The following COL19A1 variants were observed in gnomAD, a reference collection of about 807,000 sequenced individuals.
The protein encoded by COL19A1 is collagen type XIX alpha 1 chain, also known as collagen alpha-1(XIX) chain.
In COL19A1, 159 loss-of-function variants were observed where a neutral mutation model predicts 190.2. That is an observed-to-expected ratio of 0.84 (90% confidence interval 0.73 to 0.95). The LOEUF is 0.95. COL19A1 is among the 40% of genes least tolerant of loss of function. COL19A1 has a pLI of 0.00. For missense variants in COL19A1, 1,418 were observed against 1,431.9 expected (o/e 0.99, Z 0.16); for synonymous variants, 509 against 458.9 (o/e 1.11, Z -1.39).
At chr6:69,967,937 GCGTAAAGT>G (rs761685833) in intron 11 of COL19A1, among the ~76,000 whole-genome samples, 11,318 of 119,022 alleles carry the variant, frequency 0.095, 548 homozygotes, top group East Asian at 0.23. Context: ...AGTACACGTA[GCGTAAAGT>G]ACACTTTGCT....
At chr6:70,084,855 A>G (rs1260857865) in intron 15 of COL19A1, among the ~76,000 whole-genome samples, 1 of 152,150 alleles carries the variant, frequency 6.6e-6, no homozygotes, top group Non-Finnish European at 1.5e-5. Context: ...AACCCTCTGT[A>G]TAACCTCACC....
intron 11 of COL19A1, among the ~76,000 whole-genome samples, chr6:70,017,878 A>G (rs1253711590): frequency 6.6e-6 from 1 of 152,136 alleles, no homozygotes; most frequent in East Asian, 1.9e-4. Flanking sequence ...TTGAGGACCA[A>G]ATAAGGTACA....
intron 40 of COL19A1, among the ~76,000 whole-genome samples, chr6:70,168,945 T>C (rs1765332804): frequency 1.3e-5 from 2 of 152,166 alleles, no homozygotes; most frequent in African/African-American, 4.8e-5. Flanking sequence ...AAGACACATA[T>C]AAACTCTGAT....
At chr6:70,194,036 G>A (rs1021591504) in intron 48 of COL19A1, among the ~76,000 whole-genome samples, 2 of 152,186 alleles carry the variant, frequency 1.3e-5, no homozygotes, top group African/African-American at 2.4e-5. Context: ...AGTAGCACCC[G>A]TCTCCTTCTC....
chr6:70,180,606 G>T, intron 44 of COL19A1, 83 bp downstream of exon 44: 3 of 1,439,926 alleles, frequency 2.1e-6, no homozygotes, highest in Non-Finnish European at 2.9e-6. Context: ...CAGAAATTCT[G>T]AGATTTGAAT....
chr6:69,909,576 A>C (rs1208795695), intron 4 of COL19A1, among the ~76,000 whole-genome samples: 1 of 152,144 alleles, frequency 6.6e-6, no homozygotes, highest in Admixed American at 6.6e-5. Flanking sequence ...ATCTAAGGTG[A>C]GGGAAGGCCC....
At chr6:69,879,023 A>G (rs1158931302) in intron 1 of COL19A1, among the ~76,000 whole-genome samples, 2 of 152,206 alleles carry the variant, frequency 1.3e-5, no homozygotes, top group African/African-American at 4.8e-5. Context: ...AAGTAGAATG[A>G]AGGCTGCTTG....
intron 4 of COL19A1, among the ~76,000 whole-genome samples, chr6:69,919,034 A>G (rs1771512285): frequency 6.6e-6 from 1 of 152,338 alleles, no homozygotes; most frequent in South Asian, 2.1e-4. Flanking sequence ...TGCATCTCAC[A>G]TCCCCTCCTT....
intron 10 of COL19A1, among the ~76,000 whole-genome samples, chr6:69,960,784 A>C (rs1272456081): frequency 2.6e-5 from 4 of 151,740 alleles, no homozygotes; most frequent in Admixed American, 6.6e-5. Flanking sequence ...CCGCCACCAC[A>C]GCCGGCTAAT....
At chr6:69,926,642 A>G (rs1772416667) in intron 4 of COL19A1, among the ~76,000 whole-genome samples, 1 of 152,112 alleles carries the variant, frequency 6.6e-6, no homozygotes, top group Non-Finnish European at 1.5e-5. Context: ...AGACTGTGTG[A>G]TACCAGCAAG....
intron 2 of COL19A1, among the ~76,000 whole-genome samples, chr6:69,881,114 A>G (rs1208662322): frequency 6.6e-6 from 1 of 152,196 alleles, no homozygotes; most frequent in Non-Finnish European, 1.5e-5. Flanking sequence ...GAGACCTCCT[A>G]TCGCATATTC....
Position 70,064,232 on chromosome 6 carries a change from A to C in COL19A1, c.1171-4191A>C, listed in dbSNP as rs1325719725. On this transcript the variant is annotated intron_variant, in intron 14 of 50. Transcript: ENST00000620364. ...ACATCAATGCCAAAATCCTCAATAA[A>C]GTACTGGAAAACCGAATCCAGCAGC... 2.0e-5 allele frequency among the ~76,000 whole-genome samples: 3 copies of C among 152,328 alleles called. No homozygotes were observed. In the East Asian group the frequency reaches 5.8e-4, roughly 29 times the overall value.
chr6:70,093,270 A>G lies in COL19A1; in HGVS notation c.1225-8899A>G, dbSNP rs558249578. 6.6e-5 allele frequency among the ~76,000 whole-genome samples: 10 copies of G among 152,240 alleles called. No individual in the cohort carries two copies. In the South Asian group the frequency reaches 2.1e-3, roughly 32 times the overall value. ...ATATGGAGGAAAGAACGTTTTCACA[A>G]TGAGCTTTCAGCTTCCACCAGCTTC... is the stretch of plus-strand genomic sequence containing the variant. On this transcript the variant is annotated intron_variant, in intron 15 of 50. Coordinates refer to ENST00000620364, the MANE Select transcript of COL19A1 (RefSeq NM_001858.6).
At chr6:69,999,783 A>G (rs1183342840) in intron 11 of COL19A1, among the ~76,000 whole-genome samples, 3 of 152,212 alleles carry the variant, frequency 2.0e-5, no homozygotes, top group African/African-American at 4.8e-5. Flanking sequence ...AGAATTTCTT[A>G]TTTGGAAAAG....
At chr6:70,083,826 T>C (rs982926711) in intron 15 of COL19A1, among the ~76,000 whole-genome samples, 1 of 152,194 alleles carries the variant, frequency 6.6e-6, no homozygotes, top group Non-Finnish European at 1.5e-5. Flanking sequence ...TTTCACTGTC[T>C]GTTCTGTTTT....
chr6:69,985,866 AT>A (rs1343422999), intron 11 of COL19A1, among the ~76,000 whole-genome samples: 2 of 152,144 alleles, frequency 1.3e-5, no homozygotes, highest in African/African-American at 4.8e-5. Context: ...CATAAAATGC[AT>A]ATTTAAGGAC....
At position 70,151,128 on chromosome 6, in the gene COL19A1, A is replaced by C. The variant is rs150077346; in HGVS notation, c.2038-269A>C. On this transcript the variant is annotated intron_variant, in intron 30 of 50. Coordinates refer to ENST00000620364, the MANE Select transcript of COL19A1 (RefSeq NM_001858.6). ...ATAAAGGTTGCCATGAAAATATAAA[A>C]TAGGGATGCACAGTCAAAACTATGA... 2.1e-3 allele frequency among the ~76,000 whole-genome samples: 319 copies of C among 152,302 alleles called. 1 individual carries two copies. The highest frequency in any genetic ancestry group is 7.5e-3 in the African/African-American group (310 of 41,578).
At chr6:70,024,026 A>C (rs780552337) in intron 12 of COL19A1, among the ~76,000 whole-genome samples, 2 of 152,008 alleles carry the variant, frequency 1.3e-5, no homozygotes, top group African/African-American at 2.4e-5. Flanking sequence ...CTCAGTCCAA[A>C]TCTCCATCTA....
At chr6:69,936,713 G>A (rs1230952033) in intron 7 of COL19A1, 72 bp from the exon 8 acceptor site, 2 of 1,568,584 alleles carry the variant, frequency 1.3e-6, no homozygotes, top group Non-Finnish European at 8.7e-7. Context: ...CTAGTTTAGT[G>A]GGAGCCAGTG....
Sources: allele counts gnomAD v4.1 joint callset (sites outside exome capture counted in the v4.1 genomes callset), GRCh38; gene constraint gnomAD v4.1.1; transcripts MANE v1.5; gene names NCBI Gene and HGNC (gene_info 2026-07-23, HGNC 2026-07-21).